The following SPTBN5 variants were observed in gnomAD, a reference collection of about 807,000 sequenced individuals.
The protein encoded by SPTBN5 is spectrin beta, non-erythrocytic 5.
In SPTBN5, 513 loss-of-function variants were observed where a neutral mutation model predicts 477.6. That is an observed-to-expected ratio of 1.07 (90% CI 1.00 to 1.16). The LOEUF is 1.16. Among genes scored for constraint, SPTBN5 ranks in the 50% most tolerant of loss-of-function variants. The pLI is 0.00. For synonymous variants in SPTBN5, 2,169 were observed against 2,011.7 expected, an observed-to-expected ratio of 1.08 and a Z score of -2.09; for missense variants, 5,062 against 4,731.8, an observed-to-expected ratio of 1.07 and a Z score of -2.05.
In SPTBN5 at chr15:41,866,454, C is replaced by G. The variant is rs974936065; in HGVS notation, c.6520G>C (p.Glu2174Gln). Residue 2174 changes from glutamate to glutamine, a missense_variant, in exon 37 of 68, where the codon GAG becomes CAG. Coordinates refer to ENST00000320955, the MANE Select transcript of SPTBN5 (RefSeq NM_016642.4). ...WIQAWAQQLK[E>Q]PVPPGDLRDK... Reference sequence around the variant, plus strand: ...CTCAGGTCCCCAGGAGGGACCGGCTCCTTCAGCTGCTGGGCCCACGCCTGG... The same window carrying G: ...CTCAGGTCCCCAGGAGGGACCGGCTGCTTCAGCTGCTGGGCCCACGCCTGG... 3.8e-6 allele frequency: 6 copies of G among 1,598,286 alleles called. No individual in the cohort carries two copies. The highest frequency in any genetic ancestry group is 5.1e-6 in the Non-Finnish European group (6 of 1,173,640).
rs768925391 is a variant in SPTBN5, at chr15:41,879,369, C to T, written c.3073G>A (p.Ala1025Thr). 4 of 1,610,158 alleles carry T rather than the reference C, an allele frequency of 2.5e-6. No individual in the cohort carries two copies. In the African/African-American group the frequency reaches 4.0e-5, roughly 16 times the overall value. Residue 1025 changes from alanine (A) to threonine (T), a missense_variant, in exon 16 of 68, where the codon GCC becomes ACC. Ala to Thr is a moderately conservative substitution (Grantham distance 58, BLOSUM62 0). Transcript: ENST00000320955. ...TCCTCTGAGCTCCCTGGCTGCAGGG[C>T]CTCCAGCTGGAGGAGCACGTCTCGC... The part of the protein sequence containing the change: ...QLRDVLLQLE[A>T]LQPGSSEDTC...
Position 41,873,569 on chromosome 15 carries a change from C to T in SPTBN5, c.4930G>A (p.Glu1644Lys). ...DVSELEGWVE[E>K]KRPLVSSRDY... The stretch of plus-strand genomic sequence containing the variant: ...CGACTGCTCACCAGCGGCCGCTTCT[C>T]CTCCACCCAGCCCTCCAGCTCTGAC... The change falls in exon 26 of 68, where the codon GAG becomes AAG. Residue 1644 changes from glutamate to lysine, a missense_variant. Glu to Lys is a moderately conservative substitution (Grantham distance 56). Coordinates refer to ENST00000320955, the MANE Select transcript of SPTBN5 (RefSeq NM_016642.4). 1 of 1,552,306 alleles carries T rather than the reference C, an allele frequency of 6.4e-7. No homozygotes were observed. The highest frequency in any genetic ancestry group is 8.7e-7 in the Non-Finnish European group (1 of 1,147,348).
chr15:41,877,391 GC>G (rs776934780), intron 17 of SPTBN5, 35 bp from the exon 18 acceptor site: 7 of 1,590,688 alleles, frequency 4.4e-6, no homozygotes, highest in Non-Finnish European at 6.0e-6. Flanking sequence ...TCAAACCCCA[GC>G]AGGCTCCCTC....
chr15:41,855,009 G>A (rs1323333141), intron 55 of SPTBN5, 33 bp from the exon 56 acceptor site: 12 of 1,505,454 alleles, frequency 8.0e-6, no homozygotes, highest in Middle Eastern at 1.8e-4. Flanking sequence ...AGGGTCACTT[G>A]AGATGGTATC....
intron 1 of SPTBN5, 125 bp from the exon 2 acceptor site, chr15:41,893,671 TAAGGG>T: frequency 1.7e-5 from 20 of 1,202,710 alleles, no homozygotes; most frequent in Non-Finnish European, 2.1e-5. Context: ...CCCAGCCAGG[TAAGGG>T]CCAGTGCTTC....
chr15:41,854,030 C>T lies in SPTBN5; in HGVS notation c.9774+20G>A. ...TCGGGCAGGGGCTCAGACAGGCAGG[C>T]TGCAGGGCGTGGGCCTCACCTCCAG... On this transcript the variant is annotated intron_variant, in intron 57 of 67. Transcript: ENST00000320955. 6.5e-7 allele frequency: 1 copy of T among 1,544,392 alleles called. No individual in the cohort carries two copies. The highest frequency in any genetic ancestry group is 2.4e-5 in the East Asian group (1 of 41,654).
Position 41,893,291 on chromosome 15 carries a change from C to T in SPTBN5, c.207G>A (p.Gln69=), listed in dbSNP as rs2067371534. Residue 69 remains glutamine, a synonymous_variant, in exon 2 of 68, where the codon CAG becomes CAA. Coordinates refer to ENST00000320955, the MANE Select transcript of SPTBN5 (RefSeq NM_016642.4). ...AGCTGGCTATACTCACCTGGCCGCACTGGAAGACGTTATTGATCCACTTGG... is the reference window on the plus strand; with the variant it reads ...AGCTGGCTATACTCACCTGGCCGCATTGGAAGACGTTATTGATCCACTTGG... ...TFTKWINNVF[Q]CGQAGIKIRN... 1.2e-6 allele frequency: 2 copies of T among 1,613,870 alleles called. No individual in the cohort carries two copies. The highest frequency in any genetic ancestry group is 8.5e-7 in the Non-Finnish European group (1 of 1,179,898).
chr15:41,868,451 C>T lies in SPTBN5; in HGVS notation c.6004G>A (p.Ala2002Thr), dbSNP rs761668409. The T allele has an allele frequency of 7.5e-6, 12 of 1,609,790 alleles. No individual in the cohort carries two copies. The South Asian group carries it at 7.7e-5, about 10-fold the overall frequency. ...LEAREKLWQQATQLGQQALLA... is the reference protein window; with the variant it reads ...LEAREKLWQQTTQLGQQALLA... ...AGTGCCTGCTGCCCCAGCTGGGTGG[C>T]CTGCTGCCACAGCTTCTCCCGGGCC... The change falls in exon 33 of 68, where the codon GCC (alanine) becomes ACC (threonine). Residue 2002 changes from alanine to threonine, a missense_variant. Transcript: ENST00000320955.
intron 20 of SPTBN5, 84 bp from the exon 21 acceptor site, chr15:41,876,368 C>T (rs1410992094): frequency 6.9e-6 from 10 of 1,458,476 alleles, no homozygotes; most frequent in Non-Finnish European, 8.2e-6. Flanking sequence ...GTGGTGTGGC[C>T]ACAGCCCCTG....
Position 41,882,581 on chromosome 15 carries a change from A to G in SPTBN5, c.2046+4T>C. On this transcript the variant is annotated splice_donor_region_variant and intron_variant, in intron 10 of 67. Coordinates refer to ENST00000320955, the MANE Select transcript of SPTBN5 (RefSeq NM_016642.4). ...ACCGGCGGGCGCGCTCGGGGAGCTGACACCTTGTGTTTCTGCAGGGCGCCT... is the reference window on the plus strand; with the variant it reads ...ACCGGCGGGCGCGCTCGGGGAGCTGGCACCTTGTGTTTCTGCAGGGCGCCT... 6.3e-7 allele frequency: 1 copy of G among 1,596,106 alleles called. No homozygotes were observed.
At position 41,870,329 on chromosome 15, in the gene SPTBN5, T is replaced by G. The variant is rs1172895235; in HGVS notation, c.5587A>C (p.Asn1863His). 6.4e-7 allele frequency: 1 copy of G among 1,570,350 alleles called. No individual in the cohort carries two copies. Among genetic ancestry groups the G allele is most frequent in the East Asian group, 2.4e-5 (1 of 42,510 alleles). ...AGCCCACACAGGTCCCGTGCCACAT[T>G]GTTGGGGAGGCTCGTGGCTTTCTCC... ...VQEKATSLPN[N>H]VARDLCGLEA... The change falls in exon 31 of 68, where the codon AAT becomes CAT. Residue 1863 changes from asparagine to histidine, a missense_variant. Transcript: ENST00000320955.
Position 41,882,080 on chromosome 15 carries a change from C to A in SPTBN5, c.2313G>T (p.Ala771=). 6.4e-7 allele frequency: 1 copy of A among 1,571,622 alleles called. No individual in the cohort carries two copies. Among genetic ancestry groups the A allele is most frequent in the Non-Finnish European group, 8.5e-7 (1 of 1,170,276 alleles). The change falls in exon 12 of 68, where the codon GCG becomes GCT. Residue 771 remains alanine, a synonymous_variant. Transcript: ENST00000320955. ...LRERRSSLER[A]SCGQDQAAAE... is the part of the protein sequence containing the mutation. The stretch of plus-strand genomic sequence containing the variant: ...CGGCCGCCTGGTCCTGACCGCAGGA[C>A]GCTCTCTCCAGCGAGGATCGCCGCT...
chr15:41,883,637 AG>A (rs1355921795), intron 7 of SPTBN5, among the ~76,000 whole-genome samples, 151 bp from the exon 8 acceptor site: 1 of 152,328 alleles, frequency 6.6e-6, no homozygotes, highest in East Asian at 1.9e-4. Flanking sequence ...GCATCCTGGC[AG>A]GCGGTGGTAG....
At position 41,880,148 on chromosome 15, in the gene SPTBN5, C is replaced by T. The variant is rs1187942012; in HGVS notation, c.2811+12G>A. The T allele has an allele frequency of 6.3e-6, 10 of 1,576,426 alleles. No individual in the cohort carries two copies. Among genetic ancestry groups the T allele is most frequent in the South Asian group, 1.2e-5 (1 of 84,764 alleles). On this transcript the variant is annotated intron_variant, in intron 14 of 67. Transcript: ENST00000320955. ...AAGGCGAGGAGGAGGTGCCAAGCTC[C>T]CAGGGCTGTACCTCATATTTGAGCT...
intron 3 of SPTBN5, among the ~76,000 whole-genome samples, chr15:41,891,605 C>T (rs982451536): frequency 5.3e-5 from 8 of 152,150 alleles, no homozygotes; most frequent in Admixed American, 6.5e-5. Flanking sequence ...TTTTTATTTC[C>T]CCCAGAGAAT....
chr15:41,848,530 T>C lies in SPTBN5; in HGVS notation c.*86A>G. ...TTGAAGCAGCCACGGGAAGGAGCCC[T>C]TTTGCCTGTAGCTGAGTCTTATTCT... On this transcript the variant is annotated 3_prime_UTR_variant, in exon 68 of 68. Coordinates refer to ENST00000320955, the MANE Select transcript of SPTBN5 (RefSeq NM_016642.4). 6.5e-7 allele frequency: 1 copy of C among 1,534,046 alleles called. No individual in the cohort carries two copies.
chr15:41,867,119 G>T lies in SPTBN5; in HGVS notation c.6320C>A (p.Ala2107Asp). Residue 2107 changes from alanine to aspartate, a missense_variant, in exon 36 of 68, where the codon GCC becomes GAC. Coordinates refer to ENST00000320955, the MANE Select transcript of SPTBN5 (RefSeq NM_016642.4). ...VLTAQDKKEA[A>D]LRERLKTLRR... ...GAGCGTCTTCAGCCGCTCACGCAGGGCTGCCTCCTGTGGGGCAGGGGCACA... is the reference window on the plus strand; with the variant it reads ...GAGCGTCTTCAGCCGCTCACGCAGGTCTGCCTCCTGTGGGGCAGGGGCACA... 6.5e-7 allele frequency: 1 copy of T among 1,532,994 alleles called. No individual in the cohort carries two copies. The highest frequency in any genetic ancestry group is 8.7e-7 in the Non-Finnish European group (1 of 1,143,098). The allele number at this position is 1,532,994 out of a possible 1,614,324, so 95.0% of individuals were successfully genotyped here.
intron 17 of SPTBN5, among the ~76,000 whole-genome samples, chr15:41,877,637 C>T (rs1270185563): frequency 3.3e-5 from 5 of 152,214 alleles, no homozygotes; most frequent in Admixed American, 6.5e-5. Context: ...AGCACCTGAC[C>T]GCAGGGCCAC....
Position 41,871,885 on chromosome 15 carries a change from T to G in SPTBN5, c.5198A>C (p.His1733Pro). ...GTCCTCAGCCTCCCTCAGGAACTCATGCAGCCTCAGGGTCCCCTCCAGTTC... is the reference window on the plus strand; with the variant it reads ...GTCCTCAGCCTCCCTCAGGAACTCAGGCAGCCTCAGGGTCCCCTCCAGTTC... The part of the protein sequence containing the change: ...DRELEGTLRL[H>P]EFLREAEDLQ... The change falls in exon 28 of 68, where the codon CAT (histidine) becomes CCT (proline). Residue 1733 changes from histidine to proline, a missense_variant. Transcript: ENST00000320955. The G allele has an allele frequency of 6.3e-7, 1 of 1,586,382 alleles. No individual in the cohort carries two copies. Among genetic ancestry groups the G allele is most frequent in the Non-Finnish European group, 8.6e-7 (1 of 1,166,370 alleles).
Sources: allele counts gnomAD v4.1 joint callset (sites outside exome capture counted in the v4.1 genomes callset), GRCh38; gene constraint gnomAD v4.1.1; transcripts MANE v1.5; gene names NCBI Gene and HGNC (gene_info 2026-07-23, HGNC 2026-07-21).